OXNAD1: variants seen among roughly 807,000 people sequenced by gnomAD.
OXNAD1 encodes oxidoreductase NAD binding domain containing 1, also known as oxidoreductase NAD-binding domain-containing protein 1.
Under a neutral mutation model 32.9 loss-of-function variants are expected in OXNAD1, and 34 were observed. That is an observed-to-expected ratio of 1.03 (90% confidence interval 0.79 to 1.38). The LOEUF is 1.38. OXNAD1 is among the 40% of genes most tolerant of loss of function. The pLI, the probability that OXNAD1 is intolerant of heterozygous loss-of-function variation, is 0.00. For synonymous variants in OXNAD1, 134 were observed against 135.2 expected, an observed-to-expected ratio of 0.99 and a Z score of 0.06; for missense variants, 407 against 379.4, an observed-to-expected ratio of 1.07 and a Z score of -0.60.
rs1336736303 is a variant in OXNAD1, at chr3:16,299,008, T to C, written c.433-2618T>C. Among the ~76,000 whole-genome samples, 1 of 152,186 alleles carries C rather than the reference T, an allele frequency of 6.6e-6. No homozygotes were observed. The highest frequency in any genetic ancestry group is 1.5e-5 in the Non-Finnish European group (1 of 68,030). On this transcript the variant is annotated intron_variant, in intron 6 of 8. Transcript: ENST00000285083. This position sits in a 1 kb window ranked among gnomAD's most constrained non-coding sequence, Gnocchi z 4.4. ...AGAATACAGACCTACCGAAGATTAT[T>C]TTGTCGTCAAGGATAAGACAGGCTT... is the stretch of plus-strand genomic sequence containing the variant.
At chr3:16,293,116 A>G (rs75213887) in intron 5 of OXNAD1, among the ~76,000 whole-genome samples, 2,956 of 152,300 alleles carry the variant, frequency 0.019, 88 homozygotes, top group East Asian at 0.11. Context: ...TTTGAGGAGT[A>G]TTGCCATCTT....
At position 16,346,269 on chromosome 3, in the gene OXNAD1, T is replaced by G. The variant is rs1170131665; in HGVS notation, c.*31-2907T>G. On this transcript the variant is annotated intron_variant, in intron 9 of 9. Coordinates refer to the OXNAD1 transcript ENST00000606098. This position sits in a 1 kb window ranked among gnomAD's most constrained non-coding sequence, Gnocchi z 4.4. The stretch of plus-strand genomic sequence containing the variant: ...CCATTCATCATGCTCTCACAGTGGC[T>G]GACACACAGTAGGAACTCAATATTT... 1 of 152,222 alleles carries G rather than the reference T, an allele frequency of 6.6e-6. No homozygotes were observed. Among genetic ancestry groups the G allele is most frequent in the Admixed American group, 6.5e-5 (1 of 15,276 alleles). The allele number at this position is 152,222 out of a possible 1,614,324, so 9.4% of individuals were successfully genotyped here.
In OXNAD1 at chr3:16,327,814, G is replaced by C. The variant is rs2069877501; in HGVS notation, c.*31-9298G>C. ...TCAGCCCCCTGCTAGCACAGGGAGA[G>C]AGCCCTGATGTGAGGCCCCTGCACT... On this transcript the variant is annotated intron_variant, in intron 9 of 9. Transcript: ENST00000435829. This position sits in a 1 kb window ranked among gnomAD's most constrained non-coding sequence, Gnocchi z 4.2. 6.6e-6 allele frequency among the ~76,000 whole-genome samples: 1 copy of C among 151,828 alleles called. No individual in the cohort carries two copies. The highest frequency in any genetic ancestry group is 2.1e-4 in the South Asian group (1 of 4,822).
chr3:16,342,360 T>C (rs958621705), downstream of OXNAD1, among the ~76,000 whole-genome samples: 6 of 152,260 alleles, frequency 3.9e-5, no homozygotes, highest in South Asian at 1.0e-3. The surrounding 1 kb of genome is among the most constrained non-coding windows in gnomAD (Gnocchi z 4.0). Flanking sequence ...ATGTAGCATA[T>C]ATCAGTAGTT....
Position 16,284,734 on chromosome 3 carries a change from A to T in OXNAD1, c.184-1608A>T, listed in dbSNP as rs539112040. Among the ~76,000 whole-genome samples the T allele has an allele frequency of 6.6e-6, 1 of 152,330 alleles. No homozygotes were observed. The highest frequency in any genetic ancestry group is 2.1e-4 in the South Asian group (1 of 4,830). On this transcript the variant is annotated intron_variant, in intron 4 of 8. Coordinates refer to ENST00000285083, the MANE Select transcript of OXNAD1 (RefSeq NM_138381.5). This position sits in a 1 kb window ranked among gnomAD's most constrained non-coding sequence, Gnocchi z 4.1. The stretch of plus-strand genomic sequence containing the variant: ...AACCCTATGAGGTATAGGTGGTATT[A>T]TTCTCATTTTATAGCTGAGGAGGGC...
At chr3:16,308,267 C>T (rs1401299095), downstream of OXNAD1, among the ~76,000 whole-genome samples, 1 of 152,108 alleles carries the variant, frequency 6.6e-6, no homozygotes, top group African/African-American at 2.4e-5. The surrounding 1 kb of genome is among the most constrained non-coding windows in gnomAD (Gnocchi z 4.4). Context: ...GAAAGAGAAG[C>T]TATAGCAAAT....
At chr3:16,267,296 G>C (rs111866424) in intron 1 of OXNAD1, among the ~76,000 whole-genome samples, 1 of 152,080 alleles carries the variant, frequency 6.6e-6, no homozygotes. Context: ...CTCTCCCTCT[G>C]TTATCCTTCC....
At chr3:16,285,606 CG>C (rs2066021764) in intron 4 of OXNAD1, among the ~76,000 whole-genome samples, 1 of 152,116 alleles carries the variant, frequency 6.6e-6, no homozygotes, top group Admixed American at 6.5e-5. Flanking sequence ...GCATAGCTCC[CG>C]AGTCAAACCT....
chr3:16,297,279 A>G lies in OXNAD1; in HGVS notation c.432+2282A>G, dbSNP rs775073947. Among the ~76,000 whole-genome samples, 149 of 152,224 alleles carry G rather than the reference A, an allele frequency of 9.8e-4. No homozygotes were observed. The highest frequency in any genetic ancestry group is 1.7e-3 in the Non-Finnish European group (117 of 68,028). On this transcript the variant is annotated intron_variant, in intron 6 of 8. Transcript: ENST00000285083. The surrounding 1 kb of genome is among the most constrained non-coding windows in gnomAD (Gnocchi z 4.3). ...CCTGAGGGAAATGTAAATTAAAACC[A>G]TATGTGGTGGGATGCCACTACGATC...
chr3:16,330,391 C>G lies in OXNAD1; in HGVS notation c.*31-6721C>G, dbSNP rs566624151. On this transcript the variant is annotated intron_variant, in intron 9 of 9. Transcript: ENST00000435829. ...TGGCATTTCTAAAATACAAGATGAG[C>G]CTGTCAGTGAAAGACACTTTTAAGT... is the stretch of plus-strand genomic sequence containing the variant. Among the ~76,000 whole-genome samples the G allele has an allele frequency of 5.3e-5, 8 of 152,300 alleles. No individual in the cohort carries two copies. The East Asian group carries it at 1.4e-3, about 26-fold the overall frequency.
At chr3:16,326,781 C>T (rs755067050) in intron 9 of OXNAD1, 1 of 1,613,840 alleles carries the variant, frequency 6.2e-7, no homozygotes, top group South Asian at 1.1e-5. Context: ...ACCTGGTAGT[C>T]TTGACGACGG....
Position 16,271,781 on chromosome 3 carries a change from A to G in OXNAD1, c.183+59A>G. ...GCTAGACCGTTTACATGTGGTTATG[A>G]CTGGCTTATGGGTAAAGCATTAGAT... is the stretch of plus-strand genomic sequence containing the variant. On this transcript the variant is annotated intron_variant, in intron 4 of 8. Coordinates refer to ENST00000285083, the MANE Select transcript of OXNAD1 (RefSeq NM_138381.5). The surrounding 1 kb of genome is among the most constrained non-coding windows in gnomAD (Gnocchi z 4.6). 7.0e-7 allele frequency: 1 copy of G among 1,431,416 alleles called. No individual in the cohort carries two copies. Among genetic ancestry groups the G allele is most frequent in the Non-Finnish European group, 9.6e-7 (1 of 1,039,156 alleles). 88.7% of individuals were successfully genotyped at this position (1,431,416 alleles called of 1,614,324 possible).
intron 5 of OXNAD1, among the ~76,000 whole-genome samples, chr3:16,291,604 G>T (rs1162498810): frequency 1.3e-5 from 2 of 152,172 alleles, no homozygotes; most frequent in African/African-American, 2.4e-5. Context: ...TCATTCCATT[G>T]TATGGATATG....
intron 4 of OXNAD1, among the ~76,000 whole-genome samples, chr3:16,285,237 C>T (rs529786145): frequency 8.5e-5 from 13 of 152,306 alleles, no homozygotes; most frequent in African/African-American, 3.1e-4. Flanking sequence ...TGAAAATGGT[C>T]TCCACTAATA....
rs2065673148 is a variant in OXNAD1 at position 16,280,629 on chromosome 3, G to A, written c.184-5713G>A. Reference sequence around the variant, plus strand: ...ACATTTTTGTTTTAGGTCATCTCTAGTCATGGCTTTGCCTAAATTTTTAAG... The same window carrying A: ...ACATTTTTGTTTTAGGTCATCTCTAATCATGGCTTTGCCTAAATTTTTAAG... On this transcript the variant is annotated intron_variant, in intron 4 of 8. Coordinates refer to ENST00000285083, the MANE Select transcript of OXNAD1 (RefSeq NM_138381.5). This position sits in a 1 kb window ranked among gnomAD's most constrained non-coding sequence, Gnocchi z 4.5. Among the ~76,000 whole-genome samples, 2 of 152,142 alleles carry A rather than the reference G, an allele frequency of 1.3e-5. No homozygotes were observed. The highest frequency in any genetic ancestry group is 4.1e-4 in the South Asian group (2 of 4,832).
Position 16,301,113 on chromosome 3 carries a change from C to G in OXNAD1, c.433-513C>G, listed in dbSNP as rs1374939785. On this transcript the variant is annotated intron_variant, in intron 6 of 8. Coordinates refer to ENST00000285083, the MANE Select transcript of OXNAD1 (RefSeq NM_138381.5). This position sits in a 1 kb window ranked among gnomAD's most constrained non-coding sequence, Gnocchi z 4.1. ...CACTGAACAGTACTACAGGGCTGGT[C>G]TAAGCCTGTAGAGCTGGTCTGGCTG... Among the ~76,000 whole-genome samples the G allele has an allele frequency of 6.6e-6, 1 of 152,220 alleles. No homozygotes were observed. Among genetic ancestry groups the G allele is most frequent in the African/African-American group, 2.4e-5 (1 of 41,470 alleles).
In OXNAD1 at chr3:16,316,210, C is replaced by T. The variant is rs1408724104; in HGVS notation, c.*30+12618C>T. ...CTTGAACATTCTGCAAAAGTAGGTG[C>T]AGAGACAGAATTACTTCTTCATTTC... On this transcript the variant is annotated intron_variant, in intron 9 of 9. Transcript: ENST00000435829. The surrounding 1 kb of genome is among the most constrained non-coding windows in gnomAD (Gnocchi z 4.5). The T allele has an allele frequency of 6.5e-6, 1 of 153,952 alleles. No individual in the cohort carries two copies. The highest frequency in any genetic ancestry group is 2.4e-5 in the African/African-American group (1 of 41,460). The allele number at this position is 153,952 out of a possible 1,614,324, so 9.5% of individuals were successfully genotyped here.
At chr3:16,272,207 T>C in intron 4 of OXNAD1, 1 of 446,360 alleles carries the variant, frequency 2.2e-6, no homozygotes, top group Non-Finnish European at 4.5e-6. Context: ...GACGAGCTCT[T>C]GTTACCCTTC....
At chr3:16,339,707 C>G, downstream of OXNAD1, 1 of 152,230 alleles carries the variant, frequency 6.6e-6, no homozygotes, top group Admixed American at 6.5e-5. Context: ...ACCATTTCCA[C>G]ATATTGATCA....
Sources: gnomAD v4.1 joint callset for allele counts (sites outside exome capture counted in the v4.1 genomes callset) on GRCh38, gnomAD v4.1.1 for gene constraint, Gnocchi (gnomAD v3.1) non-coding constraint, MANE v1.5 for transcripts, NCBI Gene and HGNC (gene_info 2026-07-23, HGNC 2026-07-21) for gene names.